The following FSHR variants were observed in gnomAD, a reference collection of about 807,000 sequenced individuals.
The protein encoded by FSHR is follicle-stimulating hormone receptor.
FSHR carries 46 observed loss-of-function variants against 52.1 expected under a neutral mutation model. That is an observed-to-expected ratio of 0.88 (90% CI 0.70 to 1.13). FSHR has a LOEUF of 1.13. Among genes scored for constraint, FSHR ranks in the 50% most tolerant of loss-of-function variants. The pLI, the probability that FSHR is intolerant of heterozygous loss-of-function variation, is 0.00. For missense variants in FSHR, 964 were observed against 834.6 expected (o/e 1.16, Z -1.91); for synonymous variants, 399 against 309.6 (o/e 1.29, Z -3.03).
At chr2:49,082,506 G>C (rs1243710580) in intron 1 of FSHR, among the ~76,000 whole-genome samples, 1 of 152,196 alleles carries the variant, frequency 6.6e-6, no homozygotes, top group African/African-American at 2.4e-5. Context: ...GAATGAATTT[G>C]ACGAGCTGAG....
At chr2:49,146,608 A>G (rs1355438259) in intron 1 of FSHR, among the ~76,000 whole-genome samples, 1 of 152,060 alleles carries the variant, frequency 6.6e-6, no homozygotes, top group Non-Finnish European at 1.5e-5. Flanking sequence ...CACAAGTGAG[A>G]TCAGAGGAGC....
Position 48,963,192 on chromosome 2 carries a change from C to T in FSHR, c.1629G>A (p.Val543=). The part of the protein sequence containing the change: ...SLLVLNVLAF[V]VICGCYIHIY... ...TGTGGATATAGCAGCCACAGATGAC[C>T]ACAAAGGCCAGGACATTGAGCACAA... The change falls in exon 10 of 10, where the codon GTG becomes GTA. Residue 543 remains valine, a synonymous_variant. Coordinates refer to ENST00000406846, the MANE Select transcript of FSHR (RefSeq NM_000145.4). 1 of 1,614,108 alleles carries T rather than the reference C, an allele frequency of 6.2e-7. No homozygotes were observed. Among genetic ancestry groups the T allele is most frequent in the East Asian group, 2.2e-5 (1 of 44,870 alleles).
chr2:48,983,032 T>C (rs1168816665), intron 7 of FSHR, 46 bp from the exon 8 acceptor site: 1 of 1,608,040 alleles, frequency 6.2e-7, no homozygotes, highest in East Asian at 2.2e-5. Context: ...CAAAGCCACA[T>C]AAATATTGCT....
At chr2:48,995,526 G>T (rs1194394526) in intron 4 of FSHR, among the ~76,000 whole-genome samples, 3 of 152,070 alleles carry the variant, frequency 2.0e-5, no homozygotes, top group Non-Finnish European at 4.4e-5. Context: ...GCAGGGAGGA[G>T]GCAGGATTCC....
At chr2:49,073,642 T>A (rs1315756580) in intron 1 of FSHR, among the ~76,000 whole-genome samples, 2 of 152,074 alleles carry the variant, frequency 1.3e-5, no homozygotes, top group Non-Finnish European at 2.9e-5. Flanking sequence ...ACAGATTCAA[T>A]GCAATCCCTA....
chr2:48,964,921 A>G (rs766606316), intron 9 of FSHR, among the ~76,000 whole-genome samples: 1 of 152,048 alleles, frequency 6.6e-6, no homozygotes, highest in Non-Finnish European at 1.5e-5. Context: ...GAAACAAGAA[A>G]GGTAATACTT....
intron 2 of FSHR, among the ~76,000 whole-genome samples, chr2:49,054,762 G>A (rs960967869): frequency 1.3e-5 from 2 of 152,084 alleles, no homozygotes; most frequent in South Asian, 2.1e-4. Flanking sequence ...TGAGACACTC[G>A]CAAACATTAC....
Position 49,092,882 on chromosome 2 carries a change from T to C in FSHR, c.153-24592A>G, listed in dbSNP as rs370090985. Among the ~76,000 whole-genome samples, 202 of 152,254 alleles carry C rather than the reference T, an allele frequency of 1.3e-3. 2 individuals are homozygous for C. Among genetic ancestry groups the C allele is most frequent in the East Asian group, 0.013 (65 of 5,178 alleles). On this transcript the variant is annotated intron_variant, in intron 1 of 9. Transcript: ENST00000406846. The stretch of plus-strand genomic sequence containing the variant: ...GGTTTCACCATGTTGGGCAGGCTGG[T>C]CTCGAACTCCTGACCTTAACTAATC...
chr2:49,012,974 A>G (rs1572632215), intron 4 of FSHR, among the ~76,000 whole-genome samples: 1 of 152,148 alleles, frequency 6.6e-6, no homozygotes, highest in Non-Finnish European at 1.5e-5. Context: ...ATTAAGGTTA[A>G]ATGAGGTCAT....
chr2:48,964,039 AGGGTAGAAATGAT>A, intron 9 of FSHR, 73 bp from the exon 10 acceptor site: 2 of 1,473,766 alleles, frequency 1.4e-6, no homozygotes, highest in Non-Finnish European at 1.9e-6. Context: ...GTCTTTGTGC[AGGGTAGAAATGAT>A]GAGTTTCTTC....
At chr2:49,046,558 G>C (rs1329961627) in intron 2 of FSHR, among the ~76,000 whole-genome samples, 1 of 152,100 alleles carries the variant, frequency 6.6e-6, no homozygotes. Context: ...CTCAGTTTCT[G>C]GCAAAATAAT....
At chr2:48,967,534 A>G (rs959428338) in intron 9 of FSHR, among the ~76,000 whole-genome samples, 3 of 152,172 alleles carry the variant, frequency 2.0e-5, no homozygotes, top group African/African-American at 7.2e-5. Flanking sequence ...TCAGCCCAGG[A>G]CCTTAAGAAT....
rs147881020 is a variant in FSHR at position 49,048,532 on chromosome 2, C to T, written c.224+19687G>A. Among the ~76,000 whole-genome samples, 9 of 152,270 alleles carry T rather than the reference C, an allele frequency of 5.9e-5. No individual in the cohort carries two copies. In the East Asian group the frequency reaches 9.7e-4, roughly 16 times the overall value. Reference sequence around the variant, plus strand: ...AACATGCTGTCCTTATTATTCATACCTTGCATTTGCACTCACTTTTAACTT... The same window carrying T: ...AACATGCTGTCCTTATTATTCATACTTTGCATTTGCACTCACTTTTAACTT... On this transcript the variant is annotated intron_variant, in intron 2 of 9. Transcript: ENST00000406846.
intron 2 of FSHR, among the ~76,000 whole-genome samples, chr2:49,047,487 T>C (rs1197740889): frequency 2.0e-5 from 3 of 152,228 alleles, no homozygotes; most frequent in African/African-American, 7.2e-5. Flanking sequence ...CAAATTTAAG[T>C]GTATGTACAC....
chr2:49,120,114 AC>A (rs1262216100), intron 1 of FSHR, among the ~76,000 whole-genome samples: 5 of 152,286 alleles, frequency 3.3e-5, no homozygotes, highest in Admixed American at 6.5e-5. Context: ...TACTAAAAAT[AC>A]AAAAAATTAT....
At chr2:49,038,624 C>CA (rs71401003) in intron 2 of FSHR, among the ~76,000 whole-genome samples, 11 of 65,438 alleles carry the variant, frequency 1.7e-4, no homozygotes, top group African/African-American at 5.3e-4. Context: ...GACTCTGTCT[C>CA]AAAATAATAA....
intron 8 of FSHR, among the ~76,000 whole-genome samples, chr2:48,970,369 T>C (rs1238361878): frequency 2.6e-5 from 4 of 152,226 alleles, no homozygotes; most frequent in Non-Finnish European, 5.9e-5. Flanking sequence ...ACTAAGGCCA[T>C]GTCTTAGCTC....
At chr2:49,103,987 T>G (rs529470432) in intron 1 of FSHR, among the ~76,000 whole-genome samples, 11 of 150,236 alleles carry the variant, frequency 7.3e-5, no homozygotes, top group African/African-American at 2.7e-4. Flanking sequence ...TTTTTTTTTA[T>G]CCTCTAAAAA....
chr2:49,048,633 C>T (rs1235429594), intron 2 of FSHR, among the ~76,000 whole-genome samples: 6 of 152,186 alleles, frequency 3.9e-5, no homozygotes, highest in Non-Finnish European at 8.8e-5. Context: ...TATCTCTCTG[C>T]CCAGACTCTC....
Sources: allele counts gnomAD v4.1 joint callset (sites outside exome capture counted in the v4.1 genomes callset), GRCh38; gene constraint gnomAD v4.1.1; transcripts MANE v1.5; gene names NCBI Gene and HGNC (gene_info 2026-07-23, HGNC 2026-07-21).